Variants in NPSR1 observed in about 807,000 individuals in gnomAD.
NPSR1 encodes the protein neuropeptide S receptor.
NPSR1 carries 48 observed loss-of-function variants against 46.9 expected under a neutral mutation model. The ratio of observed to expected loss-of-function variants is 1.02; its 90% CI spans 0.81 to 1.30. The LOEUF (loss-of-function observed/expected upper bound fraction) is 1.30. NPSR1 is among the 50% of genes most tolerant of loss of function. The pLI, the probability that NPSR1 is intolerant of heterozygous loss-of-function variation, is 0.00. For synonymous variants in NPSR1, 176 were observed against 168.1 expected, an observed-to-expected ratio of 1.05 and a Z score of -0.36; for missense variants, 450 against 449.5, an observed-to-expected ratio of 1.00 and a Z score of -0.01.
intron 1 of NPSR1, among the ~76,000 whole-genome samples, chr7:34,679,758 T>A (rs1428273794): frequency 2.0e-5 from 3 of 152,096 alleles, no homozygotes; most frequent in Non-Finnish European, 4.4e-5. Flanking sequence ...TTCATTAAAA[T>A]GTGTAAACAA....
chr7:34,709,188 G>C (rs1475411164), intron 2 of NPSR1, among the ~76,000 whole-genome samples: 1 of 152,084 alleles, frequency 6.6e-6, no homozygotes, highest in African/African-American at 2.4e-5. Context: ...GGAGTCCCTG[G>C]GGGAGGTTAC....
At chr7:34,815,167 A>C (rs1401592743) in intron 4 of NPSR1, among the ~76,000 whole-genome samples, 1 of 152,146 alleles carries the variant, frequency 6.6e-6, no homozygotes, top group Admixed American at 6.5e-5. Flanking sequence ...GAAGCTAAAA[A>C]CCTTGAAAAA....
intron 1 of NPSR1, among the ~76,000 whole-genome samples, chr7:34,668,697 T>C (rs1791884318): frequency 1.3e-5 from 2 of 152,296 alleles, no homozygotes; most frequent in African/African-American, 2.4e-5. Context: ...AGGGAACCAG[T>C]TGATGGAAGC....
chr7:34,687,595 C>T (rs1463825833), intron 2 of NPSR1, among the ~76,000 whole-genome samples: 1 of 152,198 alleles, frequency 6.6e-6, no homozygotes, highest in Non-Finnish European at 1.5e-5. Context: ...ATCACAACAA[C>T]AGCATAGGGA....
intron 3 of NPSR1, among the ~76,000 whole-genome samples, chr7:34,792,621 ATGTGTG>A (rs200693311): frequency 2.7e-4 from 32 of 117,448 alleles, no homozygotes; most frequent in Non-Finnish European, 3.4e-4. Context: ...ATATGTGTAT[ATGTGTG>A]TGTGTGTGTA....
chr7:34,702,495 T>G (rs1020648219), intron 2 of NPSR1, among the ~76,000 whole-genome samples: 2 of 152,200 alleles, frequency 1.3e-5, no homozygotes, highest in African/African-American at 4.8e-5. Flanking sequence ...AACTGAGAAG[T>G]TTAGACAACA....
At chr7:34,686,940 GAC>G (rs1439115104) in intron 2 of NPSR1, among the ~76,000 whole-genome samples, 1 of 129,300 alleles carries the variant, frequency 7.7e-6, no homozygotes, top group East Asian at 2.1e-4. Flanking sequence ...CAGCCTGGGC[GAC>G]AGAGTGAGAC....
intron 2 of NPSR1, among the ~76,000 whole-genome samples, chr7:34,717,413 G>T (rs952017433): frequency 6.6e-6 from 1 of 152,238 alleles, no homozygotes; most frequent in East Asian, 1.9e-4. Context: ...TTACAGGCGT[G>T]AGCCACTGCG....
At position 34,720,394 on chromosome 7, in the gene NPSR1, C is replaced by A. The variant is rs537780408; in HGVS notation, c.280+35710C>A. Among the ~76,000 whole-genome samples, 70 of 152,096 alleles carry A rather than the reference C, an allele frequency of 4.6e-4. 1 individual carries two copies. The South Asian group carries it at 0.014, about 29-fold the overall frequency. Reference sequence around the variant, plus strand: ...CTGTAGATGCTACTAGGCTGTGAGGCAAGCAGAATGTGGACTCTATACCAG... The same window carrying A: ...CTGTAGATGCTACTAGGCTGTGAGGAAAGCAGAATGTGGACTCTATACCAG... On this transcript the variant is annotated intron_variant, in intron 2 of 8. Transcript: ENST00000360581.
At chr7:34,807,727 C>T (rs990362756) in intron 3 of NPSR1, among the ~76,000 whole-genome samples, 2 of 152,156 alleles carry the variant, frequency 1.3e-5, no homozygotes, top group Non-Finnish European at 2.9e-5. Context: ...TTAAGTCATT[C>T]ACATGTATTG....
At chr7:34,778,648 C>A (rs1728363234) in intron 3 of NPSR1, 83 bp downstream of exon 3, 1 of 872,548 alleles carries the variant, frequency 1.1e-6, no homozygotes, top group Non-Finnish European at 1.8e-6. Flanking sequence ...TCATATAAAA[C>A]CTTGCATTCC....
intron 7 of NPSR1, among the ~76,000 whole-genome samples, chr7:34,846,946 G>C (rs17790181): frequency 0.18 from 27,292 of 152,054 alleles, 2,738 homozygotes; most frequent in Non-Finnish European, 0.24. Flanking sequence ...TGGTATCCCT[G>C]TGAAAACTTG....
intron 2 of NPSR1, among the ~76,000 whole-genome samples, chr7:34,771,522 T>C (rs1786683927): frequency 6.6e-6 from 1 of 152,106 alleles, no homozygotes; most frequent in Non-Finnish European, 1.5e-5. Flanking sequence ...GTGGGTGGAA[T>C]AGCCCTATAA....
chr7:34,681,373 C>T (rs1562647591), intron 1 of NPSR1, among the ~76,000 whole-genome samples: 1 of 152,166 alleles, frequency 6.6e-6, no homozygotes, highest in Non-Finnish European at 1.5e-5. Context: ...ACAGTTTTAG[C>T]TCCAGTCAAC....
chr7:34,727,156 G>C (rs1418901407), intron 2 of NPSR1, among the ~76,000 whole-genome samples: 1 of 152,034 alleles, frequency 6.6e-6, no homozygotes, highest in Non-Finnish European at 1.5e-5. Flanking sequence ...ACTCGATTTT[G>C]CCATGAACTT....
At chr7:34,712,060 A>G (rs772988749) in intron 2 of NPSR1, among the ~76,000 whole-genome samples, 1 of 152,138 alleles carries the variant, frequency 6.6e-6, no homozygotes, top group Non-Finnish European at 1.5e-5. Flanking sequence ...ATTGACTGGT[A>G]TTTCTCTTTG....
At chr7:34,851,615 G>A (rs759753448), downstream of NPSR1, among the ~76,000 whole-genome samples, 1 of 152,184 alleles carries the variant, frequency 6.6e-6, no homozygotes, top group Non-Finnish European at 1.5e-5. Flanking sequence ...TGGCTGCATA[G>A]GAGCCAATTA....
At chr7:34,802,809 C>A (rs540330528) in intron 3 of NPSR1, among the ~76,000 whole-genome samples, 1 of 150,388 alleles carries the variant, frequency 6.6e-6, no homozygotes, top group South Asian at 2.1e-4. Context: ...ATTTTTGCAA[C>A]CTACTCATCT....
chr7:34,844,434 G>A (rs888437863), intron 6 of NPSR1, among the ~76,000 whole-genome samples: 1 of 152,028 alleles, frequency 6.6e-6, no homozygotes, highest in African/African-American at 2.4e-5. Context: ...TTTCTTGAGA[G>A]CGTTTTTTTG....
Sources: gnomAD v4.1 joint callset for allele counts (sites outside exome capture counted in the v4.1 genomes callset) on GRCh38, gnomAD v4.1.1 for gene constraint, MANE v1.5 for transcripts, NCBI Gene and HGNC (gene_info 2026-07-23, HGNC 2026-07-21) for gene names.